Variants in BANP observed in about 807,000 individuals in gnomAD.
BANP encodes protein BANP.
A neutral mutation model predicts 68.1 loss-of-function variants in BANP; 11 were observed. That is an observed-to-expected ratio of 0.16 (90% CI 0.10 to 0.27). The LOEUF (loss-of-function observed/expected upper bound fraction) is 0.27, where lower values mean the gene tolerates loss of function less well. Among genes scored for constraint, BANP ranks in the 10% least tolerant of loss-of-function variants. The pLI, the probability that BANP is intolerant of heterozygous loss-of-function variation, is 1.00. For synonymous variants in BANP, 329 were observed against 303.2 expected (o/e 1.09, Z -0.88); for missense variants, 504 against 722.7 (o/e 0.70, Z 3.47).
At chr16:87,984,310 C>T (rs576662808) in intron 4 of BANP, 51 bp downstream of exon 4, 28 of 1,446,980 alleles carry the variant, frequency 1.9e-5, no homozygotes, top group East Asian at 2.5e-5. Flanking sequence ...GGGAGAAGCG[C>T]GTCACCTCCT....
chr16:88,022,088 TTGTG>T (rs2076139462), intron 7 of BANP, among the ~76,000 whole-genome samples: 1 of 152,148 alleles, frequency 6.6e-6, no homozygotes, highest in Non-Finnish European at 1.5e-5. Flanking sequence ...CTAACCAAAT[TTGTG>T]TGTTTTATGC....
chr16:88,015,072 CTCGTCT>C, intron 6 of BANP, among the ~76,000 whole-genome samples: 1 of 144,056 alleles, frequency 6.9e-6, no homozygotes, highest in East Asian at 2.1e-4. Context: ...ATGCCCTCTG[CTCGTCT>C]CCTCTGCCTG....
chr16:87,952,221 C>G (rs1435689185), intron 1 of BANP: 2 of 152,272 alleles, frequency 1.3e-5, no homozygotes, highest in Non-Finnish European at 2.9e-5. Context: ...ACTGTGTGAG[C>G]AAATTGGAGA....
intron 2 of BANP, among the ~76,000 whole-genome samples, chr16:87,976,390 C>T (rs377458222): frequency 1.3e-5 from 2 of 151,804 alleles, no homozygotes; most frequent in Non-Finnish European, 2.9e-5. Context: ...TTAAAGGAGA[C>T]CCTTGAGAAA....
At chr16:88,039,413 G>T (rs899385247) in intron 11 of BANP, among the ~76,000 whole-genome samples, 2 of 143,708 alleles carry the variant, frequency 1.4e-5, no homozygotes. Flanking sequence ...CATAGCTGGC[G>T]GTCCGTCTTC....
chr16:87,978,198 C>G (rs2062564023), intron 2 of BANP, among the ~76,000 whole-genome samples: 1 of 152,072 alleles, frequency 6.6e-6, no homozygotes, highest in Admixed American at 6.6e-5. Flanking sequence ...GTAATGCATA[C>G]AGAATTATAG....
At chr16:87,982,137 C>T (rs1296346045) in intron 3 of BANP, among the ~76,000 whole-genome samples, 2 of 152,200 alleles carry the variant, frequency 1.3e-5, no homozygotes, top group Non-Finnish European at 2.9e-5. Flanking sequence ...GTAAACACTG[C>T]GTTATCATTC....
At chr16:87,950,357 C>T (rs955801907), upstream of BANP, 1 of 152,054 alleles carries the variant, frequency 6.6e-6, no homozygotes, top group African/African-American at 2.4e-5. Context: ...GGGAACTGCG[C>T]TATGGTTTGG....
At chr16:88,060,674 C>G (rs1384641868) in intron 11 of BANP, among the ~76,000 whole-genome samples, 1 of 152,166 alleles carries the variant, frequency 6.6e-6, no homozygotes, top group Non-Finnish European at 1.5e-5. Context: ...CTCTTCTCAC[C>G]GTCAGCTCTG....
chr16:88,061,847 T>C (rs998534572), intron 11 of BANP, among the ~76,000 whole-genome samples: 1 of 152,024 alleles, frequency 6.6e-6, no homozygotes, highest in African/African-American at 2.4e-5. Context: ...GTATTTTTAA[T>C]GGAGACGGGA....
intron 11 of BANP, among the ~76,000 whole-genome samples, chr16:88,056,633 C>T (rs565671597): frequency 1.3e-5 from 2 of 152,326 alleles, no homozygotes; most frequent in South Asian, 4.1e-4. Context: ...TCACGCTTCA[C>T]GCTGGCCCCT....
In BANP at chr16:88,006,372, C is replaced by T. The variant is rs548802941; in HGVS notation, c.655+107C>T. 46 of 1,338,770 alleles carry T rather than the reference C, an allele frequency of 3.4e-5. No individual in the cohort carries two copies. In the African/African-American group the frequency reaches 4.8e-4, roughly 14 times the overall value. The allele number at this position is 1,338,770 out of a possible 1,614,324, so 82.9% of individuals were successfully genotyped here. On this transcript the variant is annotated intron_variant, in intron 6 of 13. Coordinates refer to ENST00000682872, the MANE Select transcript of BANP (RefSeq NM_001386991.1). ...TTAAAGAAGTGATACAGTGGCCAGG[C>T]GCGGTGGCTCACGCCTGTAATCCCA...
intron 1 of BANP, chr16:87,956,737 C>A (rs374598777): frequency 6.6e-6 from 1 of 152,110 alleles, no homozygotes; most frequent in African/African-American, 2.4e-5. Flanking sequence ...CTGCACGTCC[C>A]GGTGGGCTCG....
chr16:88,034,580 G>T (rs1382817084), intron 9 of BANP, among the ~76,000 whole-genome samples: 2 of 128,824 alleles, frequency 1.6e-5, no homozygotes, highest in Non-Finnish European at 3.2e-5. Context: ...GTGTAGGCAC[G>T]CCAACAGCTC....
chr16:88,072,005 T>G, intron 12 of BANP, 64 bp from the exon 13 acceptor site: 1 of 1,528,270 alleles, frequency 6.5e-7, no homozygotes, highest in Non-Finnish European at 8.8e-7. Context: ...TGTGGAGCCA[T>G]GTGGGTTGTG....
At chr16:88,054,044 C>G (rs927453084) in intron 11 of BANP, among the ~76,000 whole-genome samples, 15 of 91,378 alleles carry the variant, frequency 1.6e-4, no homozygotes, top group African/African-American at 4.6e-4. Flanking sequence ...ACTGTCATCT[C>G]CATCATCATC....
chr16:87,982,346 G>A, intron 3 of BANP, among the ~76,000 whole-genome samples: 1 of 152,266 alleles, frequency 6.6e-6, no homozygotes, highest in East Asian at 1.9e-4. Context: ...ATATAAGAGT[G>A]ATTTTTCCCA....
chr16:87,983,112 C>T (rs1424354085), intron 3 of BANP, among the ~76,000 whole-genome samples: 1 of 152,144 alleles, frequency 6.6e-6, no homozygotes, highest in Non-Finnish European at 1.5e-5. Context: ...GGACCCCACG[C>T]TCTTTAGGTC....
At chr16:88,068,602 T>C (rs9921380) in intron 12 of BANP, among the ~76,000 whole-genome samples, 114,765 of 151,988 alleles carry the variant, frequency 0.76, 43,986 homozygotes, top group Non-Finnish European at 0.83. Context: ...AAGAGCCCAC[T>C]GGTGCGGGTG....
Sources: allele counts gnomAD v4.1 joint callset (sites outside exome capture counted in the v4.1 genomes callset), GRCh38; gene constraint gnomAD v4.1.1; transcripts MANE v1.5; gene names NCBI Gene and HGNC (gene_info 2026-07-23, HGNC 2026-07-21).